Variants in WDFY4 observed in about 807,000 individuals in gnomAD.
WDFY4 encodes the protein WDFY family member 4.
A neutral mutation model predicts 351.9 loss-of-function variants in WDFY4; 169 were observed. The ratio of observed to expected loss-of-function variants is 0.48; its 90% confidence interval spans 0.42 to 0.55. WDFY4 has a LOEUF of 0.55. WDFY4 is among the 20% of genes least tolerant of loss of function. The probability of loss-of-function intolerance (pLI) is 0.00; values close to 1 mark genes in which losing one functional copy is unlikely to be tolerated. For synonymous variants in WDFY4, 1,622 were observed against 1,574.6 expected (o/e 1.03, Z -0.71); for missense variants, 3,803 against 3,935.6 (o/e 0.97, Z 0.90).
intron 39 of WDFY4, among the ~76,000 whole-genome samples, chr10:48,850,696 A>T (rs1369688175): frequency 6.6e-6 from 1 of 151,984 alleles, no homozygotes; most frequent in African/African-American, 2.4e-5. Flanking sequence ...TTGGCCCGAG[A>T]CTCTCTATAC....
At chr10:48,772,997 C>T (rs1183433142) in intron 13 of WDFY4, among the ~76,000 whole-genome samples, 2 of 151,802 alleles carry the variant, frequency 1.3e-5, no homozygotes, top group Admixed American at 1.3e-4. Flanking sequence ...AATAATGCCG[C>T]AATAAACATA....
chr10:48,831,830 T>C (rs2133064824), intron 38 of WDFY4, among the ~76,000 whole-genome samples: 1 of 152,290 alleles, frequency 6.6e-6, no homozygotes, highest in South Asian at 2.1e-4. Context: ...TGTCCTCCCA[T>C]GTTGGAAGAG....
chr10:48,697,681 C>A (rs532954710), intron 1 of WDFY4, among the ~76,000 whole-genome samples: 2 of 152,322 alleles, frequency 1.3e-5, no homozygotes, highest in South Asian at 4.1e-4. Flanking sequence ...CCCATACCTC[C>A]TGGCTGTTCT....
intron 12 of WDFY4, among the ~76,000 whole-genome samples, chr10:48,751,968 C>T (rs75209146): frequency 1.3e-5 from 2 of 152,184 alleles, no homozygotes; most frequent in East Asian, 3.8e-4. Flanking sequence ...AAGCACGCCT[C>T]ACACCACCAC....
At chr10:48,807,793 C>T (rs745518727) in intron 27 of WDFY4, 66 bp from the exon 28 acceptor site, 68 of 1,504,072 alleles carry the variant, frequency 4.5e-5, no homozygotes, top group Non-Finnish European at 5.7e-5. Context: ...AATATGATTG[C>T]TTACTGCAGC....
At chr10:48,835,648 A>T (rs2068361292) in intron 39 of WDFY4, among the ~76,000 whole-genome samples, 1 of 152,210 alleles carries the variant, frequency 6.6e-6, no homozygotes, top group Non-Finnish European at 1.5e-5. Context: ...TGAGAGAGAT[A>T]AGCATGGTTA....
At chr10:48,812,197 TTG>T (rs1304125722) in intron 30 of WDFY4, among the ~76,000 whole-genome samples, 6 of 149,532 alleles carry the variant, frequency 4.0e-5, no homozygotes, top group African/African-American at 1.5e-4. Context: ...TTTGTTTTTT[TTG>T]TTTTTTTTTG....
At position 48,866,039 on chromosome 10, in the gene WDFY4, G is replaced by C. The variant is rs935872853; in HGVS notation, c.6664-1226G>C. 3.3e-5 allele frequency among the ~76,000 whole-genome samples: 5 copies of C among 151,846 alleles called. No individual in the cohort carries two copies. The South Asian group carries it at 1.0e-3, about 31-fold the overall frequency. ...GATCTTTCCAAAGTACCAGATTTTA[G>C]TTTCATTAATTTTATTTATTGTTTT... is the stretch of plus-strand genomic sequence containing the variant. On this transcript the variant is annotated intron_variant, in intron 39 of 61. Coordinates refer to ENST00000325239, the MANE Select transcript of WDFY4 (RefSeq NM_001394531.1).
intron 53 of WDFY4, among the ~76,000 whole-genome samples, chr10:48,962,410 A>G (rs958537621): frequency 6.6e-6 from 1 of 152,194 alleles, no homozygotes; most frequent in South Asian, 2.1e-4. Context: ...GGGAGCCCAG[A>G]CAATCCCAAA....
chr10:48,764,087 C>T (rs537453024), intron 13 of WDFY4, among the ~76,000 whole-genome samples: 85 of 152,222 alleles, frequency 5.6e-4, no homozygotes, highest in Non-Finnish European at 3.7e-4. Flanking sequence ...CTAATACTCC[C>T]TACATCTATA....
chr10:48,685,227 G>T (rs1488076809), intron 1 of WDFY4, among the ~76,000 whole-genome samples: 2 of 152,198 alleles, frequency 1.3e-5, no homozygotes, highest in Non-Finnish European at 2.9e-5. Flanking sequence ...CCAGGGCCTG[G>T]GTCTGCCTGA....
chr10:48,892,420 C>T (rs895928665), intron 44 of WDFY4, among the ~76,000 whole-genome samples: 7 of 152,154 alleles, frequency 4.6e-5, no homozygotes, highest in African/African-American at 1.7e-4. Context: ...AGAATGCAAG[C>T]AGGAGTAGAG....
rs2063003581 is a variant in WDFY4 at position 48,685,016 on chromosome 10, T to C, written c.-18+15T>C. 1 of 152,402 alleles carries C rather than the reference T, an allele frequency of 6.6e-6. No individual in the cohort carries two copies. Among genetic ancestry groups the C allele is most frequent in the Non-Finnish European group, 1.5e-5 (1 of 68,206 alleles). 9.4% of individuals were successfully genotyped at this position (152,402 alleles called of 1,614,324 possible). A position where few individuals can be genotyped will look rare whatever the true frequency, so the allele number is the denominator to read the frequency against. ...CACCCCTCCAGGTAGGCCACCTTGC[T>C]CTTGGCCCAGCCAGGCCAGCCTAGA... On this transcript the variant is annotated intron_variant, in intron 1 of 61. Transcript: ENST00000325239.
At position 48,828,911 on chromosome 10, in the gene WDFY4, T is replaced by A. The variant is rs934938101; in HGVS notation, c.6340+15T>A. The A allele has an allele frequency of 2.6e-6, 1 of 392,122 alleles. No homozygotes were observed. Among genetic ancestry groups the A allele is most frequent in the African/African-American group, 4.0e-5 (1 of 25,050 alleles). The allele number at this position is 392,122 out of a possible 1,614,324, so 24.3% of individuals were successfully genotyped here. ...TTTGAGTGATGGTACATTTTATTTGTCATTGTGTGTGTGGGCGGGGGGGGG... is the reference window on the plus strand; with the variant it reads ...TTTGAGTGATGGTACATTTTATTTGACATTGTGTGTGTGGGCGGGGGGGGG... On this transcript the variant is annotated intron_variant, in intron 37 of 61. Coordinates refer to ENST00000325239, the MANE Select transcript of WDFY4 (RefSeq NM_001394531.1).
intron 35 of WDFY4, chr10:48,823,856 C>A (rs766709362): frequency 1.6e-4 from 160 of 986,388 alleles, no homozygotes; most frequent in Non-Finnish European, 1.9e-4. Flanking sequence ...TGTTTGAGAC[C>A]CATCTGAGGA....
At chr10:48,823,935 G>A in intron 35 of WDFY4, 3 of 985,518 alleles carry the variant, frequency 3.0e-6, no homozygotes, top group Non-Finnish European at 3.6e-6. Flanking sequence ...TTCACTTCAT[G>A]AGTAGAAACA....
intron 39 of WDFY4, among the ~76,000 whole-genome samples, chr10:48,851,464 G>A (rs1018304575): frequency 6.6e-6 from 1 of 152,208 alleles, no homozygotes; most frequent in South Asian, 2.1e-4. Context: ...TCCGTTCATG[G>A]CCAATACAGT....
chr10:48,866,335 C>T (rs1220460513), intron 39 of WDFY4, among the ~76,000 whole-genome samples: 2 of 151,704 alleles, frequency 1.3e-5, no homozygotes, highest in Non-Finnish European at 2.9e-5. Context: ...CTTCTTTGAC[C>T]CATTAGTTAT....
intron 47 of WDFY4, among the ~76,000 whole-genome samples, chr10:48,907,458 A>G (rs1036424451): frequency 6.6e-6 from 1 of 152,180 alleles, no homozygotes; most frequent in Non-Finnish European, 1.5e-5. Flanking sequence ...CTTCATATAT[A>G]ATGTTTAGAA....
Sources: allele counts gnomAD v4.1 joint callset (sites outside exome capture counted in the v4.1 genomes callset), GRCh38; gene constraint gnomAD v4.1.1; transcripts MANE v1.5; gene names NCBI Gene and HGNC (gene_info 2026-07-23, HGNC 2026-07-21).